PIK3CA: variants seen among roughly 807,000 people sequenced by gnomAD.
PIK3CA encodes phosphatidylinositol-4,5-bisphosphate 3-kinase catalytic subunit alpha.
In PIK3CA, 27 loss-of-function variants were observed where a neutral mutation model predicts 138.2. That is an observed-to-expected ratio of 0.20 (90% CI 0.14 to 0.27). The LOEUF (loss-of-function observed/expected upper bound fraction) is 0.27. PIK3CA is among the 10% of genes least tolerant of loss of function. The pLI is 1.00. For synonymous variants in PIK3CA, 358 were observed against 413.2 expected (o/e 0.87, Z 1.62); for missense variants, 544 against 1,277.4 (o/e 0.43, Z 8.75).
At chr3:179,186,846 G>A (rs1560132838) in intron 1 of PIK3CA, among the ~76,000 whole-genome samples, 1 of 152,132 alleles carries the variant, frequency 6.6e-6, no homozygotes, top group Non-Finnish European at 1.5e-5. Context: ...TCCTTGCTAA[G>A]TTGGTCTCTT....
rs1009528219 is a variant in PIK3CA, at chr3:179,150,213, C to T, written c.-77+1610C>T. On this transcript the variant is annotated intron_variant, in intron 1 of 20. Transcript: ENST00000263967. ...TGTGTGTGTGTGTGTTGGTATTTTG[C>T]TTAAGTTTTTTCATCTCACATTTTG... Among the ~76,000 whole-genome samples the T allele has an allele frequency of 3.5e-5, 5 of 144,448 alleles. No homozygotes were observed. In the East Asian group the frequency reaches 1.0e-3, roughly 30 times the overall value. 94.8% of individuals were successfully genotyped at this position (144,448 alleles called of 152,430 possible).
At chr3:179,188,039 G>A (rs1358620632) in intron 1 of PIK3CA, among the ~76,000 whole-genome samples, 1 of 152,180 alleles carries the variant, frequency 6.6e-6, no homozygotes, top group African/African-American at 2.4e-5. Context: ...GAAGACTTAA[G>A]AATTGGAGAG....
In PIK3CA at chr3:179,236,433, T is replaced by C. The variant is rs1447987411; in HGVS notation, c.*2069T>C. ...GTGTTGTTTAGATATAGGCAGTTGA[T>C]ACATACTAACATCCCAGCCTTTTCA... On this transcript the variant is annotated 3_prime_UTR_variant, in exon 21 of 21. Transcript: ENST00000263967. 2 of 213,282 alleles carry C rather than the reference T, an allele frequency of 9.4e-6. No individual in the cohort carries two copies. The highest frequency in any genetic ancestry group is 1.2e-4 in the Admixed American group (2 of 17,002). The allele number at this position is 213,282 out of a possible 1,614,324, so 13.2% of individuals were successfully genotyped here. A position where few individuals can be genotyped will look rare whatever the true frequency, so the allele number is the denominator to read the frequency against.
At chr3:179,210,625 C>CT in intron 9 of PIK3CA, 60 bp downstream of exon 9, 1 of 1,512,716 alleles carries the variant, frequency 6.6e-7, no homozygotes, top group East Asian at 2.3e-5. Context: ...TAGGTAGATA[C>CT]TTTCTCTATG....
intron 1 of PIK3CA, among the ~76,000 whole-genome samples, chr3:179,187,869 C>G (rs1724032398): frequency 6.6e-6 from 1 of 152,074 alleles, no homozygotes; most frequent in Non-Finnish European, 1.5e-5. Context: ...GATCTCCTGA[C>G]CTTGTGATCC....
At chr3:179,199,215 A>G (rs138389240) in intron 2 of PIK3CA, 38 bp downstream of exon 2, 9 of 1,340,044 alleles carry the variant, frequency 6.7e-6, no homozygotes, top group South Asian at 1.4e-5. Flanking sequence ...GCAAATAACC[A>G]TAAAGCTTAA....
rs1723076955 is a variant in PIK3CA at position 179,154,194 on chromosome 3, GT to G, written c.-77+5594del. Among the ~76,000 whole-genome samples, 5 of 152,230 alleles carry G rather than the reference GT, an allele frequency of 3.3e-5. No individual in the cohort carries two copies. In the South Asian group the frequency reaches 1.0e-3, roughly 32 times the overall value. ...GTCTAATACGTATTAGAGAGCTCTG[GT>G]TTAGATGCCTAAAACGGGTCCTCCT... On this transcript the variant is annotated intron_variant, in intron 1 of 20. Transcript: ENST00000263967.
rs183045381 is a variant in PIK3CA at position 179,215,291 on chromosome 3, T to A, written c.1540-2919T>A. On this transcript the variant is annotated intron_variant, in intron 9 of 20. Transcript: ENST00000263967. Reference sequence around the variant, plus strand: ...GCAGTTCTCTTTGTAAGAATTGATATTTGATGACTGTATTCTTTCTTAAAA... The same window carrying A: ...GCAGTTCTCTTTGTAAGAATTGATAATTGATGACTGTATTCTTTCTTAAAA... 2.4e-3 allele frequency among the ~76,000 whole-genome samples: 360 copies of A among 152,346 alleles called. 2 individuals are homozygous for A. Among genetic ancestry groups the A allele is most frequent in the African/African-American group, 7.7e-3 (322 of 41,578 alleles).
chr3:179,218,255 G>C lies in PIK3CA; in HGVS notation c.1585G>C (p.Glu529Gln), dbSNP rs2108408108. 1 of 1,610,482 alleles carries C rather than the reference G, an allele frequency of 6.2e-7. No individual in the cohort carries two copies. Among genetic ancestry groups the C allele is most frequent in the Non-Finnish European group, 8.5e-7 (1 of 1,177,902 alleles). Reference sequence around the variant, plus strand: ...CAATGAATTAAGGGAAAATGACAAAGAACAGCTCAAAGCAATTTCTACACG... The same window carrying C: ...CAATGAATTAAGGGAAAATGACAAACAACAGCTCAAAGCAATTTCTACACG... ...RDNELRENDK[E>Q]QLKAISTRDP... The change falls in exon 10 of 21, where the codon GAA becomes CAA. Residue 529 changes from glutamate (E) to glutamine (Q), a missense_variant. Transcript: ENST00000263967.
chr3:179,223,437 T>G (rs1221217107), intron 14 of PIK3CA, among the ~76,000 whole-genome samples: 1 of 152,200 alleles, frequency 6.6e-6, no homozygotes, highest in Non-Finnish European at 1.5e-5. Flanking sequence ...TACTAAAACC[T>G]GAATATAGTA....
chr3:179,190,776 C>T (rs142872579), intron 1 of PIK3CA, among the ~76,000 whole-genome samples: 104 of 152,160 alleles, frequency 6.8e-4, no homozygotes, highest in African/African-American at 2.4e-3. Flanking sequence ...GTAAATGTAT[C>T]GTATGCATAT....
chr3:179,175,787 G>T (rs376748546), intron 1 of PIK3CA, among the ~76,000 whole-genome samples: 4 of 149,582 alleles, frequency 2.7e-5, no homozygotes, highest in South Asian at 4.2e-4. Context: ...TATCTTTACA[G>T]TTTCTTTGAC....
intron 6 of PIK3CA, among the ~76,000 whole-genome samples, chr3:179,208,389 A>T (rs114019390): frequency 0.048 from 7,365 of 152,262 alleles, 201 homozygotes; most frequent in Non-Finnish European, 0.057. Flanking sequence ...TCATGGGACA[A>T]TTGCTATTCT....
intron 4 of PIK3CA, among the ~76,000 whole-genome samples, 193 bp from the exon 5 acceptor site, chr3:179,203,347 TTTGA>T (rs1290954703): frequency 6.6e-6 from 1 of 152,202 alleles, no homozygotes; most frequent in Non-Finnish European, 1.5e-5. Flanking sequence ...TTCAGAAGTG[TTTGA>T]TTGATCTTGT....
At chr3:179,196,549 G>A (rs546221788) in intron 1 of PIK3CA, among the ~76,000 whole-genome samples, 1 of 152,094 alleles carries the variant, frequency 6.6e-6, no homozygotes, top group Non-Finnish European at 1.5e-5. Flanking sequence ...AAGAAAAATA[G>A]TTTCAACTAT....
chr3:179,166,368 C>T (rs1205248844), intron 1 of PIK3CA, among the ~76,000 whole-genome samples: 1 of 152,148 alleles, frequency 6.6e-6, no homozygotes, highest in African/African-American at 2.4e-5. Context: ...ATTTAAATTA[C>T]CCCCTCCATT....
Position 179,199,786 on chromosome 3 carries a change from C to T in PIK3CA, c.449C>T (p.Ala150Val), listed in dbSNP as rs1724363071. Residue 150 changes from alanine to valine, a missense_variant, in exon 3 of 21, where the codon GCT becomes GTT. This residue lies in a region of PIK3CA where 234 missense variants were observed against 401.3 expected (regional missense o/e 0.58). Coordinates refer to ENST00000263967, the MANE Select transcript of PIK3CA (RefSeq NM_006218.4). ...AATATTCTGAACGTTTGTAAAGAAG[C>T]TGTGGATCTTAGGGACCTCAATTCA... Reference protein sequence around the residue: ...RRNILNVCKEAVDLRDLNSPH... With the variant: ...RRNILNVCKEVVDLRDLNSPH... The T allele has an allele frequency of 1.9e-6, 3 of 1,612,330 alleles. No individual in the cohort carries two copies. The highest frequency in any genetic ancestry group is 2.2e-5 in the South Asian group (2 of 91,040).
chr3:179,151,395 A>G (rs1723010473), intron 1 of PIK3CA, among the ~76,000 whole-genome samples: 1 of 152,238 alleles, frequency 6.6e-6, no homozygotes, highest in Non-Finnish European at 1.5e-5. Context: ...AGGCTTAATT[A>G]CTGAAGATCT....
intron 14 of PIK3CA, among the ~76,000 whole-genome samples, chr3:179,221,631 T>C (rs758909177): frequency 3.3e-5 from 5 of 150,740 alleles, no homozygotes; most frequent in Non-Finnish European, 7.4e-5. Flanking sequence ...ACTCAGTAAA[T>C]ATATCACACT....
Sources: gnomAD v4.1 joint callset for allele counts (sites outside exome capture counted in the v4.1 genomes callset) on GRCh38, gnomAD v4.1.1 for gene constraint, gnomAD v4.1.1 regional missense constraint, MANE v1.5 for transcripts, NCBI Gene and HGNC (gene_info 2026-07-23, HGNC 2026-07-21) for gene names.